The following NADK2 variants were observed in gnomAD, a reference collection of about 807,000 sequenced individuals.
NADK2 encodes the protein NAD kinase 2, mitochondrial.
NADK2 carries 35 observed loss-of-function variants against 62.1 expected under a neutral mutation model. That is an observed-to-expected ratio of 0.56 (90% CI 0.43 to 0.75). The LOEUF is 0.75. Ranked by LOEUF, NADK2 falls within the 30% of genes least tolerant of loss-of-function variation. The pLI is 0.00. For synonymous variants in NADK2, 205 were observed against 207.9 expected, an observed-to-expected ratio of 0.99 and a Z score of 0.12; for missense variants, 439 against 561.3, an observed-to-expected ratio of 0.78 and a Z score of 2.20.
chr5:36,209,713 T>C (rs1188529399), intron 7 of NADK2, among the ~76,000 whole-genome samples: 2 of 152,170 alleles, frequency 1.3e-5, no homozygotes, highest in Non-Finnish European at 2.9e-5. Context: ...TAAGTCTTGC[T>C]GTGTTAAAGT....
At chr5:36,224,138 T>A (rs1364017) in intron 4 of NADK2, among the ~76,000 whole-genome samples, 2 of 151,924 alleles carry the variant, frequency 1.3e-5, no homozygotes, top group Non-Finnish European at 1.5e-5. Context: ...GAAGTTTGTG[T>A]GCAACTCTAA....
chr5:36,222,126 G>T (rs188454427), intron 4 of NADK2, among the ~76,000 whole-genome samples: 163 of 152,244 alleles, frequency 1.1e-3, no homozygotes, highest in South Asian at 5.6e-3. Flanking sequence ...TAAATATATA[G>T]GGATAAGTGC....
chr5:36,239,660 A>G (rs1027086164), intron 1 of NADK2, among the ~76,000 whole-genome samples: 2 of 151,982 alleles, frequency 1.3e-5, no homozygotes, highest in Admixed American at 1.3e-4. Flanking sequence ...TCTAGTTCAG[A>G]GGTCCAAGAG....
Position 36,197,657 on chromosome 5 carries a change from A to T in NADK2, c.1074T>A (p.Asn358Lys). The T allele has an allele frequency of 5.1e-6, 8 of 1,555,322 alleles. No homozygotes were observed. The highest frequency in any genetic ancestry group is 6.9e-6 in the Non-Finnish European group (8 of 1,154,822). Residue 358 changes from asparagine (N) to lysine (K), a missense_variant, in exon 11 of 12, where the codon AAT (asparagine) becomes AAA (lysine). Physicochemically the swap from Asn to Lys is moderately conservative, Grantham distance 94. Transcript: ENST00000381937. ...TGTAGAGCAGTGATTCATTATATTCATTTGTTACTACAAAGAAAAAAAAAT... is the reference window on the plus strand; with the variant it reads ...TGTAGAGCAGTGATTCATTATATTCTTTTGTTACTACAAAGAAAAAAAAAT... ...LNRELVEKVT[N>K]EYNESLLYSP...
Position 36,241,327 on chromosome 5 carries a change from G to T in NADK2, c.300+172C>A. On this transcript the variant is annotated intron_variant, in intron 1 of 11. Coordinates refer to ENST00000381937, the MANE Select transcript of NADK2 (RefSeq NM_001085411.3). This position sits in a 1 kb window ranked among gnomAD's most constrained non-coding sequence, Gnocchi z 4.9. The stretch of plus-strand genomic sequence containing the variant: ...CCTCTCCCTCGCACACACGCCCAAA[G>T]GCAAAGGAGGCCCAGGGAGAAGCCA... 4.7e-6 allele frequency: 6 copies of T among 1,270,680 alleles called. No homozygotes were observed. The highest frequency in any genetic ancestry group is 6.1e-6 in the Non-Finnish European group (6 of 986,284). 78.7% of individuals were successfully genotyped at this position (1,270,680 alleles called of 1,614,324 possible).
chr5:36,204,821 G>T (rs544014258), intron 8 of NADK2, among the ~76,000 whole-genome samples: 1 of 152,070 alleles, frequency 6.6e-6, no homozygotes, highest in Non-Finnish European at 1.5e-5. Context: ...TAGGACAAAA[G>T]TAGATAGGGG....
Position 36,205,648 on chromosome 5 carries a change from T to C in NADK2, c.956+1522A>G, listed in dbSNP as rs1746606017. 6.6e-6 allele frequency among the ~76,000 whole-genome samples: 1 copy of C among 152,132 alleles called. No homozygotes were observed. Among genetic ancestry groups the C allele is most frequent in the South Asian group, 2.1e-4 (1 of 4,824 alleles). On this transcript the variant is annotated intron_variant, in intron 8 of 11. Transcript: ENST00000381937. The surrounding 1 kb of genome is among the most constrained non-coding windows in gnomAD (Gnocchi z 4.1). ...TTTAGAAATATTACTCTGTTGTAGA[T>C]GCTGGAAAGGATGTGGAGAAATACA...
At chr5:36,209,740 C>A (rs908191378) in intron 7 of NADK2, among the ~76,000 whole-genome samples, 9 of 151,982 alleles carry the variant, frequency 5.9e-5, no homozygotes, top group Non-Finnish European at 1.3e-4. Flanking sequence ...TTATACTTTA[C>A]TATACTTTTA....
At chr5:36,220,804 A>G (rs1263091133) in intron 4 of NADK2, among the ~76,000 whole-genome samples, 1 of 152,188 alleles carries the variant, frequency 6.6e-6, no homozygotes, top group Non-Finnish European at 1.5e-5. Context: ...TTGGACTAGC[A>G]CGACCACTTC....
At chr5:36,221,180 T>G (rs535275202) in intron 4 of NADK2, 1 of 152,332 alleles carries the variant, frequency 6.6e-6, no homozygotes, top group African/African-American at 2.4e-5. Flanking sequence ...AATGTTGTAA[T>G]TATTTACCAG....
chr5:36,201,834 C>A (rs1746460144), intron 8 of NADK2, among the ~76,000 whole-genome samples: 1 of 151,954 alleles, frequency 6.6e-6, no homozygotes, highest in African/African-American at 2.4e-5. Context: ...TTTACATGTG[C>A]AATGCCTTGC....
rs1746602463 is a variant in NADK2 at position 36,205,498 on chromosome 5, G to T, written c.956+1672C>A. On this transcript the variant is annotated intron_variant, in intron 8 of 11. Coordinates refer to ENST00000381937, the MANE Select transcript of NADK2 (RefSeq NM_001085411.3). The surrounding 1 kb of genome is among the most constrained non-coding windows in gnomAD (Gnocchi z 4.1). ...TGCCATAGGTGGGGGTAAGGGTAGG[G>T]CAGGAATAAGGCCAATAAGATCGCT... Among the ~76,000 whole-genome samples, 1 of 152,056 alleles carries T rather than the reference G, an allele frequency of 6.6e-6. No individual in the cohort carries two copies. Among genetic ancestry groups the T allele is most frequent in the African/African-American group, 2.4e-5 (1 of 41,418 alleles).
chr5:36,233,505 T>C (rs779487227), intron 1 of NADK2, among the ~76,000 whole-genome samples: 2 of 152,206 alleles, frequency 1.3e-5, no homozygotes, highest in African/African-American at 2.4e-5. Flanking sequence ...TTGGCCTCAA[T>C]ATACTATGAT....
upstream of NADK2, chr5:36,242,145 A>T (rs779648689): frequency 1.3e-5 from 2 of 154,466 alleles, no homozygotes; most frequent in Non-Finnish European, 2.9e-5. Flanking sequence ...CCCGCACCAC[A>T]CGCTTCCCCG....
At chr5:36,207,610 A>C (rs1746690449) in intron 7 of NADK2, among the ~76,000 whole-genome samples, 1 of 152,102 alleles carries the variant, frequency 6.6e-6, no homozygotes, top group Non-Finnish European at 1.5e-5. Flanking sequence ...TGAATCCAAA[A>C]AAAGAAAATA....
intron 11 of NADK2, among the ~76,000 whole-genome samples, chr5:36,196,791 C>T (rs1321895052): frequency 1.3e-5 from 2 of 152,060 alleles, no homozygotes; most frequent in African/African-American, 4.8e-5. Context: ...AAACTGAGTA[C>T]ACATCTGTGG....
At chr5:36,203,403 G>A (rs933065761) in intron 8 of NADK2, among the ~76,000 whole-genome samples, 3 of 152,030 alleles carry the variant, frequency 2.0e-5, no homozygotes, top group African/African-American at 4.8e-5. Context: ...GACAAAAGAT[G>A]AATGGGAATT....
chr5:36,221,064 T>C (rs1481677057), intron 4 of NADK2: 3 of 152,200 alleles, frequency 2.0e-5, no homozygotes, highest in South Asian at 2.1e-4. Flanking sequence ...TGATTGAATA[T>C]TGGGGGGCAG....
intron 1 of NADK2, among the ~76,000 whole-genome samples, chr5:36,236,326 G>GA (rs1269710274): frequency 6.6e-6 from 1 of 152,198 alleles, no homozygotes; most frequent in Non-Finnish European, 1.5e-5. Context: ...AGTATTTATA[G>GA]AAAGGGAGTA....
Sources: gnomAD v4.1 joint callset for allele counts (sites outside exome capture counted in the v4.1 genomes callset) on GRCh38, gnomAD v4.1.1 for gene constraint, Gnocchi (gnomAD v3.1) non-coding constraint, MANE v1.5 for transcripts, NCBI Gene and HGNC (gene_info 2026-07-23, HGNC 2026-07-21) for gene names.